PLD2: variants seen among roughly 807,000 people sequenced by gnomAD.
The protein encoded by PLD2 is choline phosphatase 2.
In PLD2, 101 loss-of-function variants were observed where a neutral mutation model predicts 119.8. That is an observed-to-expected ratio of 0.84 (90% CI 0.72 to 0.99). The LOEUF (loss-of-function observed/expected upper bound fraction) is 0.99, where lower values mean the gene tolerates loss of function less well. Ranked by LOEUF, PLD2 falls within the 50% of genes least tolerant of loss-of-function variation. The pLI, the probability that PLD2 is intolerant of heterozygous loss-of-function variation, is 0.00. For missense variants in PLD2, 1,164 were observed against 1,226.8 expected, an observed-to-expected ratio of 0.95 and a Z score of 0.76; for synonymous variants, 494 against 482.8, an observed-to-expected ratio of 1.02 and a Z score of -0.30.
At chr17:4,810,089 T>C in intron 9 of PLD2, 60 bp downstream of exon 9, 2 of 1,561,744 alleles carry the variant, frequency 1.3e-6, no homozygotes, top group Non-Finnish European at 1.7e-6. Flanking sequence ...ACGGCCTTGC[T>C]GGGAGTTGAG....
At chr17:4,816,847 C>A (rs1423050583) in intron 15 of PLD2, 90 bp from the exon 16 acceptor site, 9 of 1,581,230 alleles carry the variant, frequency 5.7e-6, no homozygotes, top group Non-Finnish European at 7.8e-6. Flanking sequence ...GGTGGTACAG[C>A]CCTCCCTCTG....
chr17:4,819,445 T>TGACC lies in PLD2; in HGVS notation c.2327_2330dup (p.Ser778ProfsTer10), dbSNP rs1567535012. 6.2e-7 allele frequency: 1 copy of TGACC among 1,613,756 alleles called. No homozygotes were observed. The highest frequency in any genetic ancestry group is 1.7e-5 in the Admixed American group (1 of 59,922). On this transcript the variant is annotated frameshift_variant, in exon 23 of 25. Transcript: ENST00000263088. LOFTEE classifies it high-confidence loss of function. This position sits in a 1 kb window ranked among gnomAD's most constrained non-coding sequence, Gnocchi z 4.2. Reference sequence around the variant, plus strand: ...CCACCCCAGGTTCTGCAAACATCAATGACCGGAGCTTGCTGGGGAAGCGGG... The same window carrying TGACC: ...CCACCCCAGGTTCTGCAAACATCAATGACCGACCGGAGCTTGCTGGGGAAGCGGG...
Position 4,818,041 on chromosome 17 carries a change from G to A in PLD2, c.1855G>A (p.Glu619Lys). ...SVDRWSAGTL[E>K]NSILNAYLHT... ...GGACCGCTGGTCAGCAGGGACTCTG[G>A]AGAACTCCATCCTCAATGCCTACCT... The change falls in exon 18 of 25, where the codon GAG becomes AAG. Residue 619 changes from glutamate to lysine, a missense_variant. Transcript: ENST00000263088. 1 of 1,614,118 alleles carries A rather than the reference G, an allele frequency of 6.2e-7. No homozygotes were observed.
chr17:4,808,065 C>T lies in PLD2; in HGVS notation c.191C>T (p.Pro64Leu), dbSNP rs939322164. 6.2e-6 allele frequency: 10 copies of T among 1,612,202 alleles called. No homozygotes were observed. The East Asian group carries it at 1.8e-4, about 29-fold the overall frequency. The change falls in exon 3 of 25, where the codon CCT becomes CTT. Residue 64 changes from proline (P) to leucine (L), a missense_variant. By Grantham distance (98) the Pro-to-Leu change is moderately conservative. Transcript: ENST00000263088. This position sits in a 1 kb window ranked among gnomAD's most constrained non-coding sequence, Gnocchi z 4.1. ...CCCTTGGTGTTCGCACCTGGGGTCC[C>T]TGTCACAGCCCAGGTGGTGGGCACC... ...VHPLVFAPGV[P>L]VTAQVVGTER...
Position 4,822,750 on chromosome 17 carries a change from C to A in PLD2, c.2688C>A (p.Leu896=). The A allele has an allele frequency of 6.2e-7, 1 of 1,613,776 alleles. No homozygotes were observed. Among genetic ancestry groups the A allele is most frequent in the Non-Finnish European group, 8.5e-7 (1 of 1,179,646 alleles). The change falls in exon 25 of 25, where the codon CTC becomes CTA. Residue 896 remains leucine, a synonymous_variant. Transcript: ENST00000263088. ...TVSPPLARSE[L]TQVQGHLVHF... is the part of the protein sequence containing the mutation. Reference sequence around the variant, plus strand: ...GTCCCCCCTTGGCTCGGTCTGAGCTCACCCAGGTCCAGGGCCACCTGGTCC... The same window carrying A: ...GTCCCCCCTTGGCTCGGTCTGAGCTAACCCAGGTCCAGGGCCACCTGGTCC...
intron 23 of PLD2, 60 bp from the exon 24 acceptor site, chr17:4,821,733 T>TC (rs1907685319): frequency 2.5e-6 from 3 of 1,212,178 alleles, no homozygotes; most frequent in Non-Finnish European, 2.4e-6. Flanking sequence ...GTAACTTTTC[T>TC]GGTACTCAGG....
chr17:4,807,248 C>T lies in PLD2; in HGVS notation c.-2+23C>T, dbSNP rs555651159. 6.6e-6 allele frequency: 1 copy of T among 152,094 alleles called. No individual in the cohort carries two copies. Among genetic ancestry groups the T allele is most frequent in the East Asian group, 2.0e-4 (1 of 5,100 alleles). 9.4% of individuals were successfully genotyped at this position (152,094 alleles called of 1,614,324 possible). On this transcript the variant is annotated intron_variant, in intron 1 of 24. Coordinates refer to ENST00000263088, the MANE Select transcript of PLD2 (RefSeq NM_002663.5). This position sits in a 1 kb window ranked among gnomAD's most constrained non-coding sequence, Gnocchi z 5.4. The stretch of plus-strand genomic sequence containing the variant: ...AGGGTGAGGGGGCCGGGAAGGGGCG[C>T]GCGGGGGTCCCGGGTCTCGGAAATC...
Position 4,819,616 on chromosome 17 carries a change from G to C in PLD2, c.2462+34G>C. On this transcript the variant is annotated intron_variant, in intron 23 of 24. Coordinates refer to ENST00000263088, the MANE Select transcript of PLD2 (RefSeq NM_002663.5). This position sits in a 1 kb window ranked among gnomAD's most constrained non-coding sequence, Gnocchi z 4.2. ...GGGGCGGGATGCCACAGGGTGGGAG[G>C]GAGATGGGGGCGTCTGCCTTTTGAG... 3 of 1,575,888 alleles carry C rather than the reference G, an allele frequency of 1.9e-6. No individual in the cohort carries two copies. Among genetic ancestry groups the C allele is most frequent in the Non-Finnish European group, 2.6e-6 (3 of 1,158,682 alleles).
In PLD2 at chr17:4,822,936, C is replaced by T. The variant is rs1322192642; in HGVS notation, c.*72C>T. ...CGTCTGGCTCCCTGCCCCTTAACCC[C>T]AAGGACTGAGGGCAGTGCCCTTTGA... On this transcript the variant is annotated 3_prime_UTR_variant, in exon 25 of 25. Coordinates refer to ENST00000263088, the MANE Select transcript of PLD2 (RefSeq NM_002663.5). 1.2e-6 allele frequency: 1 copy of T among 839,522 alleles called. No homozygotes were observed. Among genetic ancestry groups the T allele is most frequent in the Non-Finnish European group, 1.9e-6 (1 of 515,536 alleles). 52.0% of individuals were successfully genotyped at this position (839,522 alleles called of 1,614,324 possible).
rs748966619 is a variant in PLD2 at position 4,818,349 on chromosome 17, G to A, written c.1973G>A (p.Gly658Asp). The A allele has an allele frequency of 2.5e-6, 4 of 1,614,078 alleles. No individual in the cohort carries two copies. In the African/African-American group the frequency reaches 5.3e-5, roughly 22 times the overall value. The part of the protein sequence containing the change: ...SDGRTVLNKV[G>D]DEIVDRILKA... ...GGGCGGACGGTTCTGAACAAGGTGG[G>A]CGATGAGATTGTGGACAGAATCCTG... The change falls in exon 19 of 25, where the codon GGC (glycine) becomes GAC (aspartate). Residue 658 changes from glycine to aspartate, a missense_variant. Physicochemically the swap from Gly to Asp is moderately conservative, Grantham distance 94 (BLOSUM62 -1). Coordinates refer to ENST00000263088, the MANE Select transcript of PLD2 (RefSeq NM_002663.5).
At chr17:4,821,657 A>G (rs1447032712) in intron 23 of PLD2, 136 bp from the exon 24 acceptor site, 13 of 604,310 alleles carry the variant, frequency 2.2e-5, no homozygotes, top group Non-Finnish European at 3.6e-5. Context: ...ATCCTCCCAA[A>G]GTGCTGGGAA....
chr17:4,809,752 C>G lies in PLD2; in HGVS notation c.676C>G (p.Arg226Gly), dbSNP rs1163126995. ...TGTTCCTGGCCTCACCTGCTGTGGC[C>G]GAGACCAAGTTTGTTATCGCTGGTC... is the stretch of plus-strand genomic sequence containing the variant. ...HRVPGLTCCGRDQVCYRWSKR... is the reference protein window; with the variant it reads ...HRVPGLTCCGGDQVCYRWSKR... The change falls in exon 8 of 25, where the codon CGA becomes GGA. Residue 226 changes from arginine to glycine, a missense_variant. Arg to Gly is a moderately radical substitution (Grantham distance 125, BLOSUM62 -2). Coordinates refer to ENST00000263088, the MANE Select transcript of PLD2 (RefSeq NM_002663.5). 8 of 1,614,114 alleles carry G rather than the reference C, an allele frequency of 5.0e-6. No homozygotes were observed. Among genetic ancestry groups the G allele is most frequent in the Non-Finnish European group, 5.9e-6 (7 of 1,180,018 alleles).
rs369926554 is a variant in PLD2, at chr17:4,809,257, C to G, written c.490-41C>G. 21 of 1,610,220 alleles carry G rather than the reference C, an allele frequency of 1.3e-5. No homozygotes were observed. The Middle Eastern group carries it at 5.0e-4, about 38-fold the overall frequency. ...GAAGGCATTGGAGGTGCAAATGGCT[C>G]GGTCCCATCTGTCTCTCTCTCTCTC... On this transcript the variant is annotated intron_variant, in intron 5 of 24. Coordinates refer to ENST00000263088, the MANE Select transcript of PLD2 (RefSeq NM_002663.5).
Position 4,818,832 on chromosome 17 carries a change from T to C in PLD2, c.2173+9T>C. On this transcript the variant is annotated intron_variant, in intron 21 of 24. Coordinates refer to ENST00000263088, the MANE Select transcript of PLD2 (RefSeq NM_002663.5). ...TCGCCTTAAAGCAGCCAGTGAGTGC[T>C]GGGGGCTGGGGGCTCAAGCCCTGGG... 6.2e-7 allele frequency: 1 copy of C among 1,613,482 alleles called. No homozygotes were observed. The highest frequency in any genetic ancestry group is 8.5e-7 in the Non-Finnish European group (1 of 1,179,502).
chr17:4,822,918 C>A lies in PLD2; in HGVS notation c.*54C>A. Reference sequence around the variant, plus strand: ...AGCTGCTGTGCCCCACCACGTCTGGCTCCCTGCCCCTTAACCCCAAGGACT... The same window carrying A: ...AGCTGCTGTGCCCCACCACGTCTGGATCCCTGCCCCTTAACCCCAAGGACT... On this transcript the variant is annotated 3_prime_UTR_variant, in exon 25 of 25. Transcript: ENST00000263088. 2.0e-6 allele frequency: 2 copies of A among 982,378 alleles called. No homozygotes were observed. The highest frequency in any genetic ancestry group is 1.6e-6 in the Non-Finnish European group (1 of 634,008). 60.9% of individuals were successfully genotyped at this position (982,378 alleles called of 1,614,324 possible). A position where few individuals can be genotyped will look rare whatever the true frequency, so the allele number is the denominator to read the frequency against.
intron 23 of PLD2, 85 bp from the exon 24 acceptor site, chr17:4,821,708 C>T: frequency 2.1e-6 from 2 of 949,030 alleles, no homozygotes; most frequent in Middle Eastern, 2.4e-4. Context: ...TTTGAATTAC[C>T]TGAGTAGGGA....
rs745890129 is a variant in PLD2 at position 4,818,488 on chromosome 17, C to T, written c.2010-6C>T. 9 of 1,608,966 alleles carry T rather than the reference C, an allele frequency of 5.6e-6. No individual in the cohort carries two copies. Among genetic ancestry groups the T allele is most frequent in the Admixed American group, 3.3e-5 (2 of 59,994 alleles). On this transcript the variant is annotated splice_region_variant and splice_polypyrimidine_tract_variant and intron_variant, in intron 19 of 24. Coordinates refer to ENST00000263088, the MANE Select transcript of PLD2 (RefSeq NM_002663.5). ...AGTCGCACCTCTGACTCCACCCCCT[C>T]CCCAGACAGGGGTGGTGTTACCGAG...
chr17:4,821,651 T>G (rs1907678626), intron 23 of PLD2, 142 bp from the exon 24 acceptor site: 1 of 592,120 alleles, frequency 1.7e-6, no homozygotes, highest in Non-Finnish European at 3.1e-6. Flanking sequence ...TGCCTCATCC[T>G]CCCAAAGTGC....
Position 4,809,873 on chromosome 17 carries a change from C to T in PLD2, c.708-4C>T. ...GAGGAACACACGGAGCCCTTCTGCTCTAGGTGGCTGGTGGTGAAGGACTCC... is the reference window on the plus strand; with the variant it reads ...GAGGAACACACGGAGCCCTTCTGCTTTAGGTGGCTGGTGGTGAAGGACTCC... On this transcript the variant is annotated splice_polypyrimidine_tract_variant and splice_region_variant and intron_variant, in intron 8 of 24. Coordinates refer to ENST00000263088, the MANE Select transcript of PLD2 (RefSeq NM_002663.5). The T allele has an allele frequency of 2.5e-6, 4 of 1,614,152 alleles. No homozygotes were observed. The East Asian group carries it at 8.9e-5, about 36-fold the overall frequency.
Sources: gnomAD v4.1 joint callset for allele counts on GRCh38, gnomAD v4.1.1 for gene constraint, Gnocchi (gnomAD v3.1) non-coding constraint, MANE v1.5 for transcripts, NCBI Gene and HGNC (gene_info 2026-07-23, HGNC 2026-07-21) for gene names.